The following SNX30 variants were observed in gnomAD, a reference collection of about 807,000 sequenced individuals.
The protein encoded by SNX30 is sorting nexin-30.
In SNX30, 24 loss-of-function variants were observed where a neutral mutation model predicts 46.4. The observed-to-expected ratio is 0.52, with a 90% CI of 0.37 to 0.73. SNX30 has a LOEUF of 0.73. SNX30 is among the 30% of genes least tolerant of loss of function. SNX30 has a pLI of 0.00. For missense variants in SNX30, 533 were observed against 555.7 expected (o/e 0.96, Z 0.41); for synonymous variants, 189 against 211.5 (o/e 0.89, Z 0.92).
Position 112,850,662 on chromosome 9 carries a change from G to A in SNX30, c.1015-197G>A, listed in dbSNP as rs147574204. Among the ~76,000 whole-genome samples, 1,452 of 152,366 alleles carry A rather than the reference G, an allele frequency of 9.5e-3. 8 individuals carry two copies. Among genetic ancestry groups the A allele is most frequent in the Middle Eastern group, 0.024 (7 of 294 alleles). The stretch of plus-strand genomic sequence containing the variant: ...TTTACTAGAAACTCCAGCATCAGGA[G>A]TGGTTCTCCTCTCTTCCCTCCTTTC... On this transcript the variant is annotated intron_variant, in intron 6 of 8. Coordinates refer to ENST00000374232, the MANE Select transcript of SNX30 (RefSeq NM_001012994.2).
intron 6 of SNX30, among the ~76,000 whole-genome samples, chr9:112,850,636 C>G (rs1276524404): frequency 6.6e-6 from 1 of 152,240 alleles, no homozygotes; most frequent in African/African-American, 2.4e-5. Flanking sequence ...GTTTTAGTTA[C>G]TTTACTAGAA....
Position 112,874,122 on chromosome 9 carries a change from A to T in SNX30, c.*5279A>T, listed in dbSNP as rs1841486130. 1 of 152,220 alleles carries T rather than the reference A, an allele frequency of 6.6e-6. No homozygotes were observed. Among genetic ancestry groups the T allele is most frequent in the African/African-American group, 2.4e-5 (1 of 41,454 alleles). 9.4% of individuals were successfully genotyped at this position (152,220 alleles called of 1,614,324 possible). A position where few individuals can be genotyped will look rare whatever the true frequency, so the allele number is the denominator to read the frequency against. The stretch of plus-strand genomic sequence containing the variant: ...TTACTGGGAGGAGGAAAGGAAAATC[A>T]CTTTTTTTCCTCCATGTGGAAATGA... On this transcript the variant is annotated 3_prime_UTR_variant, in exon 9 of 9. Transcript: ENST00000374232.
At chr9:112,770,392 C>T (rs565773321) in intron 1 of SNX30, among the ~76,000 whole-genome samples, 26 of 151,886 alleles carry the variant, frequency 1.7e-4, no homozygotes, top group Middle Eastern at 3.4e-3. Context: ...AGGCTGGTCT[C>T]GAACTCCCGA....
chr9:112,815,229 C>T (rs111623149), intron 2 of SNX30, among the ~76,000 whole-genome samples: 4,778 of 150,206 alleles, frequency 0.032, 250 homozygotes, highest in African/African-American at 0.11. Context: ...AAAAATAAAA[C>T]GTGTGTTCTA....
chr9:112,783,636 G>A (rs1024271853), intron 1 of SNX30, among the ~76,000 whole-genome samples: 1 of 152,166 alleles, frequency 6.6e-6, no homozygotes, highest in Non-Finnish European at 1.5e-5. Context: ...ACCTTTTGCT[G>A]TCTGCCAAGG....
intron 3 of SNX30, among the ~76,000 whole-genome samples, chr9:112,818,144 C>T (rs1248325595): frequency 1.3e-5 from 2 of 151,796 alleles, no homozygotes; most frequent in Non-Finnish European, 2.9e-5. Flanking sequence ...TCTACTCCAG[C>T]GCTTCCATCT....
At chr9:112,853,646 T>C (rs142730419) in intron 7 of SNX30, among the ~76,000 whole-genome samples, 1,933 of 152,318 alleles carry the variant, frequency 0.013, 18 homozygotes, top group Middle Eastern at 0.027. Flanking sequence ...TGATTTGACT[T>C]ATATGTGGAA....
At chr9:112,881,700 T>C (rs980432588), downstream of SNX30, 1 of 152,234 alleles carries the variant, frequency 6.6e-6, no homozygotes, top group African/African-American at 2.4e-5. Context: ...GGATCTGTGC[T>C]GAACACAGAA....
chr9:112,834,405 G>A (rs1840716056), intron 4 of SNX30, among the ~76,000 whole-genome samples: 1 of 152,100 alleles, frequency 6.6e-6, no homozygotes, highest in Non-Finnish European at 1.5e-5. Context: ...TAATTTGCTA[G>A]AGCAATTCAC....
intron 7 of SNX30, among the ~76,000 whole-genome samples, chr9:112,859,429 T>C (rs1841192593): frequency 6.6e-6 from 1 of 152,218 alleles, no homozygotes; most frequent in African/African-American, 2.4e-5. Flanking sequence ...TGTATACAAG[T>C]ATCTCTGAGA....
chr9:112,869,628 T>C lies in SNX30; in HGVS notation c.*785T>C, dbSNP rs1841415531. The stretch of plus-strand genomic sequence containing the variant: ...AAAACAAAGTGCTGGTTTTTTTTTT[T>C]TTTCTGTGAAGGTCTTCAGTGTTTT... On this transcript the variant is annotated 3_prime_UTR_variant, in exon 9 of 9. Coordinates refer to ENST00000374232, the MANE Select transcript of SNX30 (RefSeq NM_001012994.2). 2 of 151,852 alleles carry C rather than the reference T, an allele frequency of 1.3e-5. No homozygotes were observed. Among genetic ancestry groups the C allele is most frequent in the South Asian group, 4.2e-4 (2 of 4,802 alleles). 9.4% of individuals were successfully genotyped at this position (151,852 alleles called of 1,614,324 possible).
upstream of SNX30, chr9:112,750,505 C>G (rs992839255): frequency 6.6e-6 from 1 of 152,280 alleles, no homozygotes; most frequent in African/African-American, 2.4e-5. Flanking sequence ...TCTTTTCCAC[C>G]TCTGATTTCC....
chr9:112,835,416 G>A (rs1280275660), intron 4 of SNX30, among the ~76,000 whole-genome samples: 4 of 151,754 alleles, frequency 2.6e-5, no homozygotes, highest in Admixed American at 1.3e-4. Flanking sequence ...AATGATTCTC[G>A]TGCCTCAGCC....
chr9:112,837,076 G>T (rs1017037207), intron 5 of SNX30, among the ~76,000 whole-genome samples: 1 of 152,212 alleles, frequency 6.6e-6, no homozygotes, highest in Non-Finnish European at 1.5e-5. Flanking sequence ...GGCATGGGAA[G>T]CACGTTGAGG....
At chr9:112,858,912 A>G (rs1299980760) in intron 7 of SNX30, among the ~76,000 whole-genome samples, 2 of 152,118 alleles carry the variant, frequency 1.3e-5, no homozygotes, top group African/African-American at 2.4e-5. Context: ...TTCCCTCCAT[A>G]TATTTAAACA....
chr9:112,838,166 A>G (rs1419939676), intron 5 of SNX30, among the ~76,000 whole-genome samples: 1 of 152,138 alleles, frequency 6.6e-6, no homozygotes, highest in African/African-American at 2.4e-5. Flanking sequence ...CTGGGATTAC[A>G]GGTATGAGCC....
intron 1 of SNX30, among the ~76,000 whole-genome samples, chr9:112,751,962 A>T (rs771981912): frequency 6.6e-6 from 1 of 152,104 alleles, no homozygotes; most frequent in African/African-American, 2.4e-5. Flanking sequence ...TTCAGCTGTG[A>T]AGGAGACTTG....
intron 7 of SNX30, among the ~76,000 whole-genome samples, chr9:112,857,834 G>T (rs966746233): frequency 1.3e-5 from 2 of 151,828 alleles, no homozygotes; most frequent in African/African-American, 2.4e-5. Flanking sequence ...TTATTGCTCT[G>T]TTGCCAGGCT....
At chr9:112,786,458 T>G (rs1314786455) in intron 1 of SNX30, among the ~76,000 whole-genome samples, 2 of 151,904 alleles carry the variant, frequency 1.3e-5, no homozygotes, top group East Asian at 3.9e-4. Flanking sequence ...CACCTCATAG[T>G]TTATAGCTAA....
Sources: allele counts gnomAD v4.1 joint callset (sites outside exome capture counted in the v4.1 genomes callset), GRCh38; gene constraint gnomAD v4.1.1; transcripts MANE v1.5; gene names NCBI Gene and HGNC (gene_info 2026-07-23, HGNC 2026-07-21).